Variants in PCED1B observed in about 807,000 individuals in gnomAD.
PCED1B encodes PC-esterase domain containing 1B, also known as PC-esterase domain-containing protein 1B.
For missense variants in PCED1B, 573 were observed against 573.9 expected, an observed-to-expected ratio of 1.00 and a Z score of 0.02; for synonymous variants, 251 against 246.1, an observed-to-expected ratio of 1.02 and a Z score of -0.19.
chr12:47,135,764 G>A, intron 2 of PCED1B: 3 of 528,416 alleles, frequency 5.7e-6, no homozygotes, highest in South Asian at 4.2e-5. Context: ...TGCAGATGTG[G>A]ATCATGGTGA....
chr12:47,135,658 C>T, intron 2 of PCED1B: 3 of 513,820 alleles, frequency 5.8e-6, no homozygotes, highest in South Asian at 4.5e-5. Context: ...CTAGACTTCA[C>T]AGAGTAGATG....
chr12:47,228,659 C>A (rs1017626590), intron 3 of PCED1B, among the ~76,000 whole-genome samples: 4 of 152,036 alleles, frequency 2.6e-5, no homozygotes, highest in Admixed American at 2.6e-4. Flanking sequence ...CATCTGAGGT[C>A]AGGAGTTCAA....
chr12:47,207,339 C>T (rs570999544), intron 2 of PCED1B, among the ~76,000 whole-genome samples: 124 of 152,178 alleles, frequency 8.1e-4, no homozygotes, highest in African/African-American at 2.9e-3. Context: ...CAGCTGGGCT[C>T]ATCTGGTAGC....
In PCED1B at chr12:47,127,455, G is replaced by A. The variant is rs144807730; in HGVS notation, c.-526+23260G>A. On this transcript the variant is annotated intron_variant, in intron 2 of 3. Transcript: ENST00000546455. Reference sequence around the variant, plus strand: ...ACGATCTTGGCTCAGTGCAACCTCTGCCTCCCAGGTTCAAGCGATTCTCCT... The same window carrying A: ...ACGATCTTGGCTCAGTGCAACCTCTACCTCCCAGGTTCAAGCGATTCTCCT... Among the ~76,000 whole-genome samples the A allele has an allele frequency of 2.5e-3, 374 of 146,998 alleles. 1 individual carries two copies. Among genetic ancestry groups the A allele is most frequent in the African/African-American group, 8.3e-3 (329 of 39,528 alleles).
At chr12:47,217,283 T>C (rs928409601) in intron 3 of PCED1B, among the ~76,000 whole-genome samples, 18 of 151,562 alleles carry the variant, frequency 1.2e-4, no homozygotes, top group Non-Finnish European at 2.2e-4. Flanking sequence ...AGGCCTGTAG[T>C]CCCAGCTACT....
chr12:47,136,798 A>G (rs552323058), intron 2 of PCED1B, among the ~76,000 whole-genome samples: 110 of 152,322 alleles, frequency 7.2e-4, no homozygotes, highest in African/African-American at 2.5e-3. Flanking sequence ...GCAAATTTTT[A>G]AGTATAAACG....
At chr12:47,163,546 T>A (rs1941454896) in intron 2 of PCED1B, among the ~76,000 whole-genome samples, 1 of 152,088 alleles carries the variant, frequency 6.6e-6, no homozygotes, top group Non-Finnish European at 1.5e-5. Flanking sequence ...TAATAGTGAG[T>A]TTTTTCACAT....
At chr12:47,085,051 C>T (rs892124000) in intron 1 of PCED1B, among the ~76,000 whole-genome samples, 12 of 152,124 alleles carry the variant, frequency 7.9e-5, no homozygotes, top group Admixed American at 5.2e-4. Flanking sequence ...GGCTAAGGCA[C>T]GAGAATCGCT....
At chr12:47,080,983 T>A (rs1937684077) in intron 1 of PCED1B, among the ~76,000 whole-genome samples, 1 of 152,178 alleles carries the variant, frequency 6.6e-6, no homozygotes, top group Non-Finnish European at 1.5e-5. Flanking sequence ...ACCAGCGCGC[T>A]TTGGTTCAGC....
intron 2 of PCED1B, among the ~76,000 whole-genome samples, chr12:47,174,418 AAC>A (rs1224602596): frequency 3.3e-5 from 5 of 150,656 alleles, no homozygotes; most frequent in African/African-American, 9.9e-5. Context: ...AAAAAAAAAA[AAC>A]AAACAAAACA....
intron 2 of PCED1B, among the ~76,000 whole-genome samples, chr12:47,153,926 A>G (rs946031439): frequency 6.6e-6 from 1 of 152,164 alleles, no homozygotes; most frequent in African/African-American, 2.4e-5. Flanking sequence ...ATAGTCTACA[A>G]TCTCTGCCCC....
chr12:47,197,774 C>T (rs1942650693), intron 2 of PCED1B, among the ~76,000 whole-genome samples: 1 of 151,738 alleles, frequency 6.6e-6, no homozygotes, highest in Non-Finnish European at 1.5e-5. Flanking sequence ...ACTCTATGCC[C>T]ACAAATATGA....
chr12:47,169,317 T>C (rs529497919), intron 2 of PCED1B, among the ~76,000 whole-genome samples: 2 of 152,324 alleles, frequency 1.3e-5, no homozygotes, highest in African/African-American at 4.8e-5. Context: ...TCTTCGGTGA[T>C]AAAGGTGTCC....
At chr12:47,133,863 C>T (rs1327443213) in intron 2 of PCED1B, among the ~76,000 whole-genome samples, 1 of 152,156 alleles carries the variant, frequency 6.6e-6, no homozygotes. Context: ...AGGCTCTAGC[C>T]TCATGAATGG....
chr12:47,215,545 C>T (rs567523710), intron 2 of PCED1B, among the ~76,000 whole-genome samples: 4 of 152,054 alleles, frequency 2.6e-5, no homozygotes, highest in South Asian at 2.1e-4. Flanking sequence ...TGAGCCACAG[C>T]GCCAGACGAA....
rs144485602 is a variant in PCED1B, at chr12:47,195,795, C to T, written c.-525-20427C>T. On this transcript the variant is annotated intron_variant, in intron 2 of 3. Transcript: ENST00000546455. ...TCTTCATTTCCTCACCCTCTATTCA[C>T]ATTTTATGTATAGTTAAATATTCAT... 3.7e-3 allele frequency among the ~76,000 whole-genome samples: 563 copies of T among 152,320 alleles called. 1 individual carries two copies. Among genetic ancestry groups the T allele is most frequent in the African/African-American group, 0.013 (535 of 41,560 alleles).
intron 2 of PCED1B, chr12:47,138,165 C>T (rs1282760179): frequency 6.6e-6 from 1 of 152,186 alleles, no homozygotes; most frequent in African/African-American, 2.4e-5. Context: ...CAAAACATGT[C>T]TGTTCTTTCC....
At chr12:47,146,998 C>CTTTTTTTTTTTTT (rs59400736) in intron 2 of PCED1B, among the ~76,000 whole-genome samples, 3 of 98,986 alleles carry the variant, frequency 3.0e-5, no homozygotes, top group Non-Finnish European at 3.8e-5. Flanking sequence ...GTTCATTGCT[C>CTTTTTTTTTTTTT]TTTTTTTTTT....
At chr12:47,188,682 C>T (rs1050690152) in intron 2 of PCED1B, among the ~76,000 whole-genome samples, 4 of 152,180 alleles carry the variant, frequency 2.6e-5, no homozygotes, top group Non-Finnish European at 5.9e-5. Flanking sequence ...TCTCATCCAT[C>T]GCCCAAATTG....
Sources: allele counts gnomAD v4.1 joint callset (sites outside exome capture counted in the v4.1 genomes callset), GRCh38; gene constraint gnomAD v4.1.1; transcripts MANE v1.5; gene names NCBI Gene and HGNC (gene_info 2026-07-23, HGNC 2026-07-21).